The following UMAD1 variants were observed in gnomAD, a reference collection of about 807,000 sequenced individuals.
UMAD1 encodes UBAP1-MVB12-associated (UMA) domain containing 1, also known as UBAP1-MVB12-associated (UMA)-domain containing protein 1.
Under a neutral mutation model 6.1 loss-of-function variants are expected in UMAD1, and 8 were observed. The ratio of observed to expected loss-of-function variants is 1.30; its 90% CI spans 0.76 to 2.35. UMAD1 has a LOEUF of 2.35. Ranked by LOEUF, UMAD1 falls within the 30% of genes most tolerant of loss-of-function variation. The probability of loss-of-function intolerance (pLI) is 0.00; values close to 1 mark genes in which losing one functional copy is unlikely to be tolerated. For missense variants in UMAD1, 130 were observed against 78.4 expected (o/e 1.66, Z -2.49); for synonymous variants, 56 against 31.4 (o/e 1.78, Z -2.61).
At chr7:7,663,550 TCTAA>T (rs1408755155) in intron 1 of UMAD1, among the ~76,000 whole-genome samples, 3 of 152,118 alleles carry the variant, frequency 2.0e-5, no homozygotes, top group Non-Finnish European at 2.9e-5. Flanking sequence ...TAATTAGTAG[TCTAA>T]CTGATACTAA....
At chr7:7,683,333 T>C (rs182633424) in intron 2 of UMAD1, among the ~76,000 whole-genome samples, 1 of 152,216 alleles carries the variant, frequency 6.6e-6, no homozygotes, top group Non-Finnish European at 1.5e-5. Context: ...CAGGAATTGA[T>C]TTTTTCCCCC....
intron 1 of UMAD1, among the ~76,000 whole-genome samples, chr7:7,670,870 C>T (rs1382740680): frequency 1.3e-5 from 2 of 152,166 alleles, no homozygotes; most frequent in Admixed American, 6.5e-5. Context: ...TTTTGGGGGA[C>T]CCCTATCTTG....
intron 2 of UMAD1, among the ~76,000 whole-genome samples, chr7:7,748,493 A>G (rs528171183): frequency 1.4e-4 from 22 of 152,192 alleles, no homozygotes; most frequent in Middle Eastern, 6.8e-3. Flanking sequence ...AAATTAATCA[A>G]TGTCTCATTG....
intron 3 of UMAD1, among the ~76,000 whole-genome samples, chr7:7,844,295 T>A (rs1164133379): frequency 6.6e-6 from 1 of 152,134 alleles, no homozygotes; most frequent in African/African-American, 2.4e-5. Flanking sequence ...GTCCAGAATT[T>A]TTTTTTTCTT....
chr7:7,706,545 T>G (rs1780604955), intron 2 of UMAD1, among the ~76,000 whole-genome samples: 1 of 152,214 alleles, frequency 6.6e-6, no homozygotes, highest in Admixed American at 6.5e-5. Flanking sequence ...TTAGATATCA[T>G]TTTTTAAAAT....
intron 2 of UMAD1, among the ~76,000 whole-genome samples, chr7:7,730,096 C>T (rs1027062633): frequency 1.3e-5 from 2 of 152,194 alleles, no homozygotes; most frequent in African/African-American, 4.8e-5. Flanking sequence ...ATTAAGCATT[C>T]CTGGAAAAAA....
intron 1 of UMAD1, among the ~76,000 whole-genome samples, chr7:7,659,666 G>A (rs1432127518): frequency 6.6e-6 from 1 of 152,106 alleles, no homozygotes; most frequent in African/African-American, 2.4e-5. Flanking sequence ...TGTGGTCTGA[G>A]AGACTGTTAT....
At chr7:7,812,686 G>T (rs915348982) in intron 3 of UMAD1, among the ~76,000 whole-genome samples, 5 of 151,976 alleles carry the variant, frequency 3.3e-5, no homozygotes, top group Non-Finnish European at 7.4e-5. Flanking sequence ...TACTTTGGTA[G>T]TCACCTTGTT....
At chr7:7,716,641 A>G (rs1780911294) in intron 2 of UMAD1, among the ~76,000 whole-genome samples, 1 of 152,208 alleles carries the variant, frequency 6.6e-6, no homozygotes, top group Non-Finnish European at 1.5e-5. Flanking sequence ...CTGCCTAGTA[A>G]AAGATTAGGG....
intron 2 of UMAD1, among the ~76,000 whole-genome samples, chr7:7,732,891 C>T (rs1421988107): frequency 1.3e-5 from 2 of 152,174 alleles, no homozygotes; most frequent in East Asian, 1.9e-4. Context: ...AGTTGGTCAT[C>T]TATGAAACAA....
intron 1 of UMAD1, among the ~76,000 whole-genome samples, chr7:7,666,227 G>T (rs1305094798): frequency 6.6e-6 from 1 of 151,914 alleles, no homozygotes; most frequent in Non-Finnish European, 1.5e-5. Context: ...TGTAGATAGG[G>T]TCTCATAGCC....
At chr7:7,676,413 G>A (rs1412429574) in intron 2 of UMAD1, among the ~76,000 whole-genome samples, 1 of 152,156 alleles carries the variant, frequency 6.6e-6, no homozygotes, top group African/African-American at 2.4e-5. Flanking sequence ...GTATGTAGCA[G>A]ATCTGGAATT....
chr7:7,711,098 G>A (rs1019625864), intron 2 of UMAD1, among the ~76,000 whole-genome samples: 2 of 152,178 alleles, frequency 1.3e-5, no homozygotes. Flanking sequence ...GGATTCTGGT[G>A]GTTATGGAGA....
Position 7,814,864 on chromosome 7 carries a change from G to T in UMAD1, c.156+13121G>T, listed in dbSNP as rs74526518. ...CCTCCAGTGCGATGTGATTTCTTCA[G>T]GGTCCTTATTGATTTGAAGATGCAG... On this transcript the variant is annotated intron_variant, in intron 3 of 3. Transcript: ENST00000682710. Among the ~76,000 whole-genome samples the T allele has an allele frequency of 6.0e-3, 918 of 152,198 alleles. 8 individuals are homozygous for T. The highest frequency in any genetic ancestry group is 0.021 in the African/African-American group (874 of 41,514).
At chr7:7,681,052 T>G (rs1180048160) in intron 2 of UMAD1, among the ~76,000 whole-genome samples, 1 of 152,158 alleles carries the variant, frequency 6.6e-6, no homozygotes, top group Non-Finnish European at 1.5e-5. Context: ...GTTTGTGTGT[T>G]TGTTGATGTC....
intron 2 of UMAD1, among the ~76,000 whole-genome samples, chr7:7,701,565 C>T (rs1170390322): frequency 1.3e-5 from 2 of 152,056 alleles, no homozygotes; most frequent in African/African-American, 4.8e-5. Context: ...CTGAACCTTC[C>T]CCTCTATTTA....
chr7:7,642,810 C>T (rs1213507279), intron 1 of UMAD1, among the ~76,000 whole-genome samples: 1 of 152,132 alleles, frequency 6.6e-6, no homozygotes, highest in East Asian at 1.9e-4. Context: ...TTGCTACAGC[C>T]ATAAGTAAAC....
intron 2 of UMAD1, among the ~76,000 whole-genome samples, chr7:7,698,660 C>T (rs1476969233): frequency 6.6e-6 from 1 of 152,100 alleles, no homozygotes; most frequent in Non-Finnish European, 1.5e-5. Context: ...GCTACAGCCT[C>T]AGCTTCTTAA....
At chr7:7,668,128 G>A (rs994745448) in intron 1 of UMAD1, among the ~76,000 whole-genome samples, 1 of 151,816 alleles carries the variant, frequency 6.6e-6, no homozygotes, top group South Asian at 2.1e-4. Context: ...TGCCCAGGCT[G>A]GTCTCAACTC....
Sources: allele counts gnomAD v4.1 joint callset (sites outside exome capture counted in the v4.1 genomes callset), GRCh38; gene constraint gnomAD v4.1.1; transcripts MANE v1.5; gene names NCBI Gene and HGNC (gene_info 2026-07-23, HGNC 2026-07-21).